The following PRPF8 variants were observed in gnomAD, a reference collection of about 807,000 sequenced individuals.
PRPF8 encodes the protein pre-mRNA processing factor 8.
PRPF8 carries 64 observed loss-of-function variants against 285.9 expected under a neutral mutation model. The observed-to-expected ratio is 0.22, with a 90% CI of 0.18 to 0.28. PRPF8 has a LOEUF of 0.28. Among genes scored for constraint, PRPF8 ranks in the 10% least tolerant of loss-of-function variants. PRPF8 has a pLI of 1.00. For missense variants in PRPF8, 1,426 were observed against 3,026.7 expected (o/e 0.47, Z 12.41); for synonymous variants, 1,325 against 1,118.2 (o/e 1.18, Z -3.69).
In PRPF8 at chr17:1,659,258, TCAGA is replaced by T. The variant is rs1911560457; in HGVS notation, c.5138+95_5138+98del. On this transcript the variant is annotated intron_variant, in intron 32 of 42. Coordinates refer to ENST00000304992, the MANE Select transcript of PRPF8 (RefSeq NM_006445.4). The surrounding 1 kb of genome is among the most constrained non-coding windows in gnomAD (Gnocchi z 5.1). ...CCAGACTGGTCTCAAACTCCTGAGCTCAGACAATCTGCCCACCGCGGCCTCCCAA... is the reference window on the plus strand; with the variant it reads ...CCAGACTGGTCTCAAACTCCTGAGCTCAATCTGCCCACCGCGGCCTCCCAA... The T allele has an allele frequency of 1.1e-5, 15 of 1,364,410 alleles. No homozygotes were observed. Among genetic ancestry groups the T allele is most frequent in the East Asian group, 2.3e-5 (1 of 43,644 alleles). The allele number at this position is 1,364,410 out of a possible 1,614,324, so 84.5% of individuals were successfully genotyped here.
chr17:1,679,603 C>A lies in PRPF8; in HGVS notation c.1289+6G>T, dbSNP rs764359976. 5 of 1,613,114 alleles carry A rather than the reference C, an allele frequency of 3.1e-6. No individual in the cohort carries two copies. Among genetic ancestry groups the A allele is most frequent in the South Asian group, 1.1e-5 (1 of 91,030 alleles). ...TCATTCCCCCTGCCACAGGGAAAAA[C>A]CTTACCAGTTCTTGACAAGGGGTAT... On this transcript the variant is annotated splice_donor_region_variant and intron_variant, in intron 9 of 42. Coordinates refer to ENST00000304992, the MANE Select transcript of PRPF8 (RefSeq NM_006445.4). The surrounding 1 kb of genome is among the most constrained non-coding windows in gnomAD (Gnocchi z 4.7).
At chr17:1,667,896 T>G (rs1597238401) in intron 24 of PRPF8, among the ~76,000 whole-genome samples, 1 of 152,192 alleles carries the variant, frequency 6.6e-6, no homozygotes, top group African/African-American at 2.4e-5. Flanking sequence ...TAAGCTGGTC[T>G]CAAATTCCTG....
Position 1,651,829 on chromosome 17 carries a change from C to G in PRPF8, c.6370-41G>C, listed in dbSNP as rs1489697497. On this transcript the variant is annotated intron_variant, in intron 39 of 42. Transcript: ENST00000304992. The surrounding 1 kb of genome is among the most constrained non-coding windows in gnomAD (Gnocchi z 5.1). ...TCAGGAACCAAAACTCTTCTTAGTA[C>G]CAGGTCAGAGTTGGAGCTGCCAGCC... 3 of 1,608,912 alleles carry G rather than the reference C, an allele frequency of 1.9e-6. No homozygotes were observed. Among genetic ancestry groups the G allele is most frequent in the South Asian group, 2.2e-5 (2 of 90,996 alleles).
At chr17:1,678,479 G>A in intron 13 of PRPF8, 39 bp downstream of exon 13, 4 of 1,613,764 alleles carry the variant, frequency 2.5e-6, no homozygotes, top group Non-Finnish European at 3.4e-6. Flanking sequence ...GTAAGACTCT[G>A]TCTCAAAAAA....
At chr17:1,682,386 T>C in intron 3 of PRPF8, 93 bp from the exon 4 acceptor site, 2 of 1,496,330 alleles carry the variant, frequency 1.3e-6, no homozygotes, top group Admixed American at 3.4e-5. Context: ...TGTTCCACAG[T>C]CCTACCTTAC....
Position 1,658,115 on chromosome 17 carries a change from T to G in PRPF8, c.5505+138A>C. The G allele has an allele frequency of 7.6e-7, 1 of 1,315,216 alleles. No individual in the cohort carries two copies. Among genetic ancestry groups the G allele is most frequent in the Non-Finnish European group, 1.1e-6 (1 of 935,406 alleles). The allele number at this position is 1,315,216 out of a possible 1,614,324, so 81.5% of individuals were successfully genotyped here. ...ACTCTTGGACCTCCCACAGAATACT[T>G]CCCAAGGTATTTTGGGGATAAGTTC... On this transcript the variant is annotated intron_variant, in intron 34 of 42. Coordinates refer to ENST00000304992, the MANE Select transcript of PRPF8 (RefSeq NM_006445.4). This position sits in a 1 kb window ranked among gnomAD's most constrained non-coding sequence, Gnocchi z 4.1.
At position 1,651,730 on chromosome 17, in the gene PRPF8, C is replaced by T. The variant is rs1200243929; in HGVS notation, c.6428G>A (p.Arg2143His). The stretch of plus-strand genomic sequence containing the variant: ...CCACTGCGGCACCATCACAATGCAG[C>T]GGATCTCCTTCACCTGGGGGTTATC... ...PPDNPQVKEI[R>H]CIVMVPQWGT... The change falls in exon 40 of 43, where the codon CGC becomes CAC. Residue 2143 changes from arginine (R) to histidine (H), a missense_variant. By Grantham distance (29) the Arg-to-His change is conservative. Coordinates refer to ENST00000304992, the MANE Select transcript of PRPF8 (RefSeq NM_006445.4). This position sits in a 1 kb window ranked among gnomAD's most constrained non-coding sequence, Gnocchi z 5.1. 13 of 1,614,004 alleles carry T rather than the reference C, an allele frequency of 8.1e-6. No individual in the cohort carries two copies. Among genetic ancestry groups the T allele is most frequent in the Admixed American group, 1.7e-5 (1 of 59,986 alleles).
intron 24 of PRPF8, among the ~76,000 whole-genome samples, chr17:1,664,476 G>A (rs559474262): frequency 6.6e-6 from 1 of 151,982 alleles, no homozygotes; most frequent in Non-Finnish European, 1.5e-5. Context: ...GCACACATAG[G>A]ACAGGCACCA....
intron 24 of PRPF8, among the ~76,000 whole-genome samples, chr17:1,667,437 C>T (rs1417153068): frequency 6.6e-6 from 1 of 151,768 alleles, no homozygotes; most frequent in Non-Finnish European, 1.5e-5. Context: ...ATAATATTTA[C>T]TCAGGTCTAC....
rs1400926022 is a variant in PRPF8, at chr17:1,675,898, CA to C, written c.2679+29del. 1 of 1,613,692 alleles carries C rather than the reference CA, an allele frequency of 6.2e-7. No individual in the cohort carries two copies. Among genetic ancestry groups the C allele is most frequent in the African/African-American group, 1.3e-5 (1 of 74,890 alleles). On this transcript the variant is annotated intron_variant, in intron 18 of 42. Coordinates refer to ENST00000304992, the MANE Select transcript of PRPF8 (RefSeq NM_006445.4). This position sits in a 1 kb window ranked among gnomAD's most constrained non-coding sequence, Gnocchi z 6.0. Reference sequence around the variant, plus strand: ...AGGCAACTGCTACCTTTGGTAGAACCAAAAAGAAAACTTGGGAGGCCTCACT... The same window carrying C: ...AGGCAACTGCTACCTTTGGTAGAACCAAAAGAAAACTTGGGAGGCCTCACT...
rs570596897 is a variant in PRPF8 at position 1,659,716 on chromosome 17, C to G, written c.4946+125G>C. 838 of 1,392,866 alleles carry G rather than the reference C, an allele frequency of 6.0e-4. 2 individuals are homozygous for G. Among genetic ancestry groups the G allele is most frequent in the Non-Finnish European group, 7.9e-4 (792 of 1,006,724 alleles). 86.3% of individuals were successfully genotyped at this position (1,392,866 alleles called of 1,614,324 possible). ...TCTGACTAAGGGTGTTGACAGGCTC[C>G]AAGCGTAGCACTGGCTCCAAGTTTG... On this transcript the variant is annotated intron_variant, in intron 31 of 42. Coordinates refer to ENST00000304992, the MANE Select transcript of PRPF8 (RefSeq NM_006445.4). This position sits in a 1 kb window ranked among gnomAD's most constrained non-coding sequence, Gnocchi z 5.1.
intron 13 of PRPF8, 98 bp downstream of exon 13, chr17:1,678,420 T>C: frequency 1.3e-6 from 2 of 1,482,676 alleles, no homozygotes; most frequent in East Asian, 2.3e-5. Flanking sequence ...GAGGCGGAGG[T>C]TGCAGTGAGC....
intron 24 of PRPF8, among the ~76,000 whole-genome samples, chr17:1,670,995 A>G (rs1912283117): frequency 1.3e-5 from 2 of 152,072 alleles, no homozygotes; most frequent in South Asian, 2.1e-4. Flanking sequence ...AGACCCTTAT[A>G]TGATTCTTCC....
rs1447641709 is a variant in PRPF8, at chr17:1,679,790, G to A, written c.1108C>T (p.Pro370Ser). Residue 370 changes from proline to serine, a missense_variant, in exon 9 of 43, where the codon CCA becomes TCA. By Grantham distance (74) the Pro-to-Ser change is moderately conservative. Coordinates refer to ENST00000304992, the MANE Select transcript of PRPF8 (RefSeq NM_006445.4). This position sits in a 1 kb window ranked among gnomAD's most constrained non-coding sequence, Gnocchi z 4.7. The stretch of plus-strand genomic sequence containing the variant: ...AATTCCTCATCATCATCCGGCAATG[G>A]TTCCTGGCTCTGAAAAAGGAATCCC... ...SHRHSVKSQE[P>S]LPDDDEEFEL... is the part of the protein sequence containing the mutation. 1.2e-6 allele frequency: 2 copies of A among 1,614,202 alleles called. No individual in the cohort carries two copies. Among genetic ancestry groups the A allele is most frequent in the South Asian group, 1.1e-5 (1 of 91,088 alleles).
At chr17:1,663,710 C>CA (rs58454297) in intron 24 of PRPF8, among the ~76,000 whole-genome samples, 2,055 of 17,078 alleles carry the variant, frequency 0.12, 635 homozygotes, top group Admixed American at 0.24. Flanking sequence ...GACTCCATCT[C>CA]AAAAAAAAAA....
chr17:1,682,952 A>T (rs1188414860), intron 3 of PRPF8: 4 of 186,880 alleles, frequency 2.1e-5, no homozygotes, highest in East Asian at 2.7e-4. Flanking sequence ...ACAGTATCCC[A>T]CTCTGGACTT....
rs1912426557 is a variant in PRPF8 at position 1,673,288 on chromosome 17, A to G, written c.3657+69T>C. 1.2e-6 allele frequency: 2 copies of G among 1,607,212 alleles called. No individual in the cohort carries two copies. The highest frequency in any genetic ancestry group is 1.7e-6 in the Non-Finnish European group (2 of 1,174,474). On this transcript the variant is annotated intron_variant, in intron 23 of 42. Transcript: ENST00000304992. This position sits in a 1 kb window ranked among gnomAD's most constrained non-coding sequence, Gnocchi z 5.5. Reference sequence around the variant, plus strand: ...CACCACTCAAGTCTTTCCACCCAACAAGACTCCGGTGACTGACCCAGGAAG... The same window carrying G: ...CACCACTCAAGTCTTTCCACCCAACGAGACTCCGGTGACTGACCCAGGAAG...
chr17:1,652,363 T>C (rs1911127222), intron 39 of PRPF8, among the ~76,000 whole-genome samples: 1 of 152,126 alleles, frequency 6.6e-6, no homozygotes, highest in Non-Finnish European at 1.5e-5. Context: ...CTCAGCTTCC[T>C]GAGTAGCTGG....
chr17:1,681,416 AG>A, intron 6 of PRPF8, 61 bp downstream of exon 6: 1 of 1,492,130 alleles, frequency 6.7e-7, no homozygotes, highest in South Asian at 1.1e-5. Context: ...CAGGACTTTA[AG>A]GATCAAGATT....
Sources: gnomAD v4.1 joint callset for allele counts (sites outside exome capture counted in the v4.1 genomes callset) on GRCh38, gnomAD v4.1.1 for gene constraint, Gnocchi (gnomAD v3.1) non-coding constraint, MANE v1.5 for transcripts, NCBI Gene and HGNC (gene_info 2026-07-23, HGNC 2026-07-21) for gene names.